CDH8: variants seen among roughly 807,000 people sequenced by gnomAD.
The protein encoded by CDH8 is cadherin 8.
CDH8 carries 17 observed loss-of-function variants against 68.1 expected under a neutral mutation model. The observed-to-expected ratio is 0.25, with a 90% CI of 0.17 to 0.37. The LOEUF (loss-of-function observed/expected upper bound fraction) is 0.37, where lower values mean the gene tolerates loss of function less well. CDH8 is among the 10% of genes least tolerant of loss of function. The pLI is 1.00. For missense variants in CDH8, 763 were observed against 999.3 expected, an observed-to-expected ratio of 0.76 and a Z score of 3.19; for synonymous variants, 372 against 365.1, an observed-to-expected ratio of 1.02 and a Z score of -0.21.
intron 1 of CDH8, chr16:62,032,045 C>G (rs747090251): frequency 6.6e-5 from 10 of 152,138 alleles, no homozygotes; most frequent in Non-Finnish European, 1.5e-4. Context: ...GCACTAATAG[C>G]CCTTTGGTTA....
chr16:61,727,233 T>C lies in CDH8; in HGVS notation c.1415-18A>G. Reference sequence around the variant, plus strand: ...GTGGTTCCCTATGGGAAGGAAAAAATAACATCAGCATTGAGGGTATTTCAT... The same window carrying C: ...GTGGTTCCCTATGGGAAGGAAAAAACAACATCAGCATTGAGGGTATTTCAT... On this transcript the variant is annotated intron_variant, in intron 8 of 11. Coordinates refer to ENST00000577390, the MANE Select transcript of CDH8 (RefSeq NM_001796.5). 6.3e-7 allele frequency: 1 copy of C among 1,595,974 alleles called. No individual in the cohort carries two copies. The highest frequency in any genetic ancestry group is 1.1e-5 in the South Asian group (1 of 89,326).
At chr16:61,745,236 A>C (rs1488107602) in intron 8 of CDH8, among the ~76,000 whole-genome samples, 2 of 151,864 alleles carry the variant, frequency 1.3e-5, no homozygotes, top group Non-Finnish European at 2.9e-5. Context: ...TATATTATCA[A>C]ATAAGCTGTC....
At chr16:61,860,858 T>C (rs1233508093) in intron 3 of CDH8, among the ~76,000 whole-genome samples, 3 of 152,226 alleles carry the variant, frequency 2.0e-5, no homozygotes, top group Admixed American at 1.3e-4. Flanking sequence ...CGTGTTGTTT[T>C]ATTTATGCAC....
intron 10 of CDH8, 152 bp from the exon 11 acceptor site, chr16:61,655,873 CTTT>C (rs35413525): frequency 2.7e-3 from 1,420 of 527,062 alleles, no homozygotes; most frequent in East Asian, 4.1e-3. Context: ...CGTCTCCGCA[CTTT>C]TTTTTTTTTT....
intron 3 of CDH8, among the ~76,000 whole-genome samples, chr16:61,876,039 G>T (rs1963452524): frequency 6.6e-6 from 1 of 151,898 alleles, no homozygotes; most frequent in African/African-American, 2.4e-5. Context: ...ACCACACCTG[G>T]CTAATTTTTG....
chr16:61,876,884 G>A (rs371033311), intron 3 of CDH8, among the ~76,000 whole-genome samples: 1 of 152,062 alleles, frequency 6.6e-6, no homozygotes, highest in Non-Finnish European at 1.5e-5. Flanking sequence ...GTCAATAAGA[G>A]GTAGAAATGG....
intron 2 of CDH8, among the ~76,000 whole-genome samples, chr16:61,902,493 A>G (rs1383307784): frequency 2.6e-5 from 4 of 151,794 alleles, no homozygotes; most frequent in Non-Finnish European, 5.9e-5. Flanking sequence ...ATTGCGATGT[A>G]CTACTTCAAT....
chr16:61,666,527 T>C (rs576520596), intron 10 of CDH8, among the ~76,000 whole-genome samples: 12 of 152,140 alleles, frequency 7.9e-5, no homozygotes, highest in African/African-American at 2.6e-4. Flanking sequence ...CTTTTGGTTG[T>C]CCTTTTAGAT....
At chr16:61,795,165 A>G (rs1961466893) in intron 7 of CDH8, among the ~76,000 whole-genome samples, 2 of 151,992 alleles carry the variant, frequency 1.3e-5, no homozygotes, top group Non-Finnish European at 2.9e-5. Flanking sequence ...AAGCCAAATC[A>G]CAGAAAATAC....
intron 2 of CDH8, among the ~76,000 whole-genome samples, chr16:61,998,166 A>G (rs1965837244): frequency 6.6e-6 from 1 of 152,218 alleles, no homozygotes; most frequent in Non-Finnish European, 1.5e-5. Flanking sequence ...TGCAATATGC[A>G]TGAAAAGATA....
chr16:61,812,369 T>C lies in CDH8; in HGVS notation c.1277+5110A>G, dbSNP rs371168813. Among the ~76,000 whole-genome samples, 27 of 152,270 alleles carry C rather than the reference T, an allele frequency of 1.8e-4. No homozygotes were observed. In the East Asian group the frequency reaches 4.1e-3, roughly 23 times the overall value. On this transcript the variant is annotated intron_variant, in intron 7 of 11. Coordinates refer to ENST00000577390, the MANE Select transcript of CDH8 (RefSeq NM_001796.5). ...GGGTATTTATATTCAAGAGAGGAATTAGGACAACACAGCACTGTGGCCACA... is the reference window on the plus strand; with the variant it reads ...GGGTATTTATATTCAAGAGAGGAATCAGGACAACACAGCACTGTGGCCACA...
intron 8 of CDH8, among the ~76,000 whole-genome samples, chr16:61,742,450 T>C (rs1051061793): frequency 1.2e-4 from 18 of 152,108 alleles, no homozygotes; most frequent in African/African-American, 4.3e-4. Flanking sequence ...GTTTCAGCAT[T>C]TCACCACTAG....
intron 3 of CDH8, among the ~76,000 whole-genome samples, chr16:61,867,548 G>A (rs9927236): frequency 0.019 from 2,902 of 152,230 alleles, 98 homozygotes; most frequent in African/African-American, 0.066. Flanking sequence ...TCAGGTCAAT[G>A]TTCACAGGTG....
intron 2 of CDH8, among the ~76,000 whole-genome samples, chr16:61,929,602 A>C (rs964117089): frequency 6.6e-6 from 1 of 152,202 alleles, no homozygotes; most frequent in Non-Finnish European, 1.5e-5. Context: ...ACAAATTGAT[A>C]CAAGACTGGG....
intron 10 of CDH8, among the ~76,000 whole-genome samples, chr16:61,658,403 C>A (rs1353481045): frequency 6.6e-6 from 1 of 151,710 alleles, no homozygotes; most frequent in Non-Finnish European, 1.5e-5. Context: ...TTTAAAAATT[C>A]TTAATTATAT....
intron 2 of CDH8, among the ~76,000 whole-genome samples, chr16:61,975,805 G>C (rs2150579659): frequency 6.6e-6 from 1 of 152,162 alleles, no homozygotes; most frequent in East Asian, 1.9e-4. Context: ...CTAGAAAACT[G>C]AACTCCTCAA....
In CDH8 at chr16:61,959,764, C is replaced by T. The variant is rs76969247; in HGVS notation, c.253-58291G>A. ...TATGATATCTATATATCTATATATA[C>T]ACACACACAGAGACAGGGAGGATAT... is the stretch of plus-strand genomic sequence containing the variant. On this transcript the variant is annotated intron_variant, in intron 2 of 11. Transcript: ENST00000577390. Among the ~76,000 whole-genome samples, 1,359 of 148,414 alleles carry T rather than the reference C, an allele frequency of 9.2e-3. 23 individuals are homozygous for T. Among genetic ancestry groups the T allele is most frequent in the African/African-American group, 0.032 (1,274 of 40,270 alleles).
intron 1 of CDH8, among the ~76,000 whole-genome samples, chr16:62,023,801 C>G (rs1218674683): frequency 6.6e-6 from 1 of 152,122 alleles, no homozygotes; most frequent in Non-Finnish European, 1.5e-5. Context: ...GCCTAAACTT[C>G]TCAGAGAAAA....
At chr16:61,684,289 A>G (rs1327326758) in intron 10 of CDH8, among the ~76,000 whole-genome samples, 1 of 152,012 alleles carries the variant, frequency 6.6e-6, no homozygotes, top group East Asian at 1.9e-4. Context: ...GTATTGTAAT[A>G]CGATGCTAAA....
Sources: gnomAD v4.1 joint callset for allele counts (sites outside exome capture counted in the v4.1 genomes callset) on GRCh38, gnomAD v4.1.1 for gene constraint, MANE v1.5 for transcripts, NCBI Gene and HGNC (gene_info 2026-07-23, HGNC 2026-07-21) for gene names.